Variants in TIGD1 observed in about 807,000 individuals in gnomAD.
The protein encoded by TIGD1 is tigger transposable element derived 1.
A neutral mutation model predicts 21.3 loss-of-function variants in TIGD1; 20 were observed. The observed-to-expected ratio is 0.94, with a 90% CI of 0.66 to 1.36. The LOEUF is 1.36. TIGD1 is among the 40% of genes most tolerant of loss of function. The probability of loss-of-function intolerance (pLI) is 0.00; values close to 1 mark genes in which losing one functional copy is unlikely to be tolerated. For synonymous variants in TIGD1, 177 were observed against 123.2 expected, an observed-to-expected ratio of 1.44 and a Z score of -2.89; for missense variants, 556 against 350.5, an observed-to-expected ratio of 1.59 and a Z score of -4.68.
rs57021172 is a variant in TIGD1 at position 232,546,308 on chromosome 2, C to CTTTTTTTTTTTT, written c.*1787_*1798dup. 2.1e-5 allele frequency: 2 copies of CTTTTTTTTTTTT among 94,694 alleles called. No homozygotes were observed. The highest frequency in any genetic ancestry group is 3.8e-5 in the African/African-American group (1 of 26,142). 5.9% of individuals were successfully genotyped at this position (94,694 alleles called of 1,614,324 possible). A position where few individuals can be genotyped will look rare whatever the true frequency, so the allele number is the denominator to read the frequency against. The stretch of plus-strand genomic sequence containing the variant: ...ACGATTTCCTGAGTTTTGTAATCCT[C>CTTTTTTTTTTTT]TTTTTTTTTTTTTTTTTTTTAGTTT... On this transcript the variant is annotated 3_prime_UTR_variant, in exon 1 of 1. Coordinates refer to ENST00000408957, the MANE Select transcript of TIGD1 (RefSeq NM_145702.4).
rs1692233216 is a variant in TIGD1 at position 232,549,725 on chromosome 2, G to C, written c.158C>G (p.Ala53Gly). 9.9e-7 allele frequency: 1 copy of C among 1,007,238 alleles called. No homozygotes were observed. The highest frequency in any genetic ancestry group is 1.4e-5 in the South Asian group (1 of 73,012). The allele number at this position is 1,007,238 out of a possible 1,614,324, so 62.4% of individuals were successfully genotyped here. A position where few individuals can be genotyped will look rare whatever the true frequency, so the allele number is the denominator to read the frequency against. Residue 53 changes from alanine to glycine, a missense_variant, in exon 1 of 1, where the codon GCA becomes GGA. Ala to Gly is a moderately conservative substitution (Grantham distance 60, BLOSUM62 0). Coordinates refer to ENST00000408957, the MANE Select transcript of TIGD1 (RefSeq NM_145702.4). Reference protein sequence around the residue: ...LRQTVSQVVNAKEKFLKEVKS... With the variant: ...LRQTVSQVVNGKEKFLKEVKS... ...AACTTCCTTCAAGAACTTTTCCTTTGCATTTACAACTTGGCTAACTGTTTG... is the reference window on the plus strand; with the variant it reads ...AACTTCCTTCAAGAACTTTTCCTTTCCATTTACAACTTGGCTAACTGTTTG...
Position 232,549,258 on chromosome 2 carries a change from C to G in TIGD1, c.625G>C (p.Val209Leu), listed in dbSNP as rs1273721926. The change falls in exon 1 of 1, where the codon GTG becomes CTG. Residue 209 changes from valine to leucine, a missense_variant. By Grantham distance (32) the Val-to-Leu change is conservative. Coordinates refer to ENST00000408957, the MANE Select transcript of TIGD1 (RefSeq NM_145702.4). ...RTFIAREEKS[V>L]PGFKASKDRL... ...TCCTTTGAAGCTTTGAAGCCAGGCA[C>G]TGACTTCTCCTCTCTAGCTATGAAA... 1 of 664,720 alleles carries G rather than the reference C, an allele frequency of 1.5e-6. No individual in the cohort carries two copies. The highest frequency in any genetic ancestry group is 2.1e-5 in the Admixed American group (1 of 47,262). 41.2% of individuals were successfully genotyped at this position (664,720 alleles called of 1,614,324 possible).
In TIGD1 at chr2:232,545,031, T is replaced by G. The variant is rs567321090; in HGVS notation, c.*3076A>C. ...AAAACATGAGGCCGGGTGCAGTGGGTCACACCTGTAATCCCAGTACTTTGG... is the reference window on the plus strand; with the variant it reads ...AAAACATGAGGCCGGGTGCAGTGGGGCACACCTGTAATCCCAGTACTTTGG... On this transcript the variant is annotated 3_prime_UTR_variant, in exon 1 of 1. Coordinates refer to ENST00000408957, the MANE Select transcript of TIGD1 (RefSeq NM_145702.4). 2.5e-6 allele frequency: 3 copies of G among 1,177,270 alleles called. No homozygotes were observed. The highest frequency in any genetic ancestry group is 2.6e-5 in the East Asian group (1 of 39,196). The allele number at this position is 1,177,270 out of a possible 1,614,324, so 72.9% of individuals were successfully genotyped here.
chr2:232,544,701 A>G lies in TIGD1; in HGVS notation c.*3406T>C. 6.3e-7 allele frequency: 1 copy of G among 1,590,872 alleles called. No individual in the cohort carries two copies. The highest frequency in any genetic ancestry group is 2.2e-5 in the East Asian group (1 of 44,754). ...CAGGGAGAGAGGAGCTGGGGTCCCTAAGGAGAGGCCATCTTCTCTGCCTGT... is the reference window on the plus strand; with the variant it reads ...CAGGGAGAGAGGAGCTGGGGTCCCTGAGGAGAGGCCATCTTCTCTGCCTGT... On this transcript the variant is annotated 3_prime_UTR_variant, in exon 1 of 1. Coordinates refer to ENST00000408957, the MANE Select transcript of TIGD1 (RefSeq NM_145702.4).
Position 232,548,551 on chromosome 2 carries a change from T to G in TIGD1, c.1332A>C (p.Val444=). The change falls in exon 1 of 1, where the codon GTA becomes GTC. Residue 444 remains valine, a synonymous_variant. Transcript: ENST00000408957. ...ELELEVEPED[V]TELLQSHDKT... ...TATCATGAGATTGCAGCAATTCAGTTACATCTTCAGGCTCTACTTCTAATT... is the reference window on the plus strand; with the variant it reads ...TATCATGAGATTGCAGCAATTCAGTGACATCTTCAGGCTCTACTTCTAATT... 1 of 635,764 alleles carries G rather than the reference T, an allele frequency of 1.6e-6. No homozygotes were observed. The highest frequency in any genetic ancestry group is 1.6e-5 in the South Asian group (1 of 61,404). The allele number at this position is 635,764 out of a possible 1,614,324, so 39.4% of individuals were successfully genotyped here. A position where few individuals can be genotyped will look rare whatever the true frequency, so the allele number is the denominator to read the frequency against.
Position 232,548,733 on chromosome 2 carries a change from T to A in TIGD1, c.1150A>T (p.Ile384Phe), listed in dbSNP as rs1024135328. ...TCCCATGAATCACGAATGTTTTTAA[T>A]GGCATCTAAAATGGTGAATCCTTTC... ...FWKGFTILDA[I>F]KNIRDSWEEV... The change falls in exon 1 of 1, where the codon ATT becomes TTT. Residue 384 changes from isoleucine to phenylalanine, a missense_variant. By Grantham distance (21) the Ile-to-Phe change is conservative. Coordinates refer to ENST00000408957, the MANE Select transcript of TIGD1 (RefSeq NM_145702.4). 14 of 504,532 alleles carry A rather than the reference T, an allele frequency of 2.8e-5. No homozygotes were observed. Among genetic ancestry groups the A allele is most frequent in the African/African-American group, 2.5e-4 (13 of 52,420 alleles). 31.3% of individuals were successfully genotyped at this position (504,532 alleles called of 1,614,324 possible).
rs559846120 is a variant in TIGD1, at chr2:232,549,267, C to G, written c.616G>C (p.Glu206Gln). Residue 206 changes from glutamate to glutamine, a missense_variant, in exon 1 of 1, where the codon GAG becomes CAG. By Grantham distance (29) the Glu-to-Gln change is conservative. Coordinates refer to ENST00000408957, the MANE Select transcript of TIGD1 (RefSeq NM_145702.4). ...MPSRTFIARE[E>Q]KSVPGFKASK... is the part of the protein sequence containing the mutation. ...GCTTTGAAGCCAGGCACTGACTTCT[C>G]CTCTCTAGCTATGAAAGTTCTAGAT... The G allele has an allele frequency of 1.5e-6, 1 of 665,746 alleles. No homozygotes were observed. Among genetic ancestry groups the G allele is most frequent in the Admixed American group, 2.1e-5 (1 of 47,602 alleles). 41.2% of individuals were successfully genotyped at this position (665,746 alleles called of 1,614,324 possible).
rs888816158 is a variant in TIGD1, at chr2:232,549,234, CCTTTGAAG to C, written c.641_648del (p.Ala214GlyfsTer10). 5 of 672,702 alleles carry C rather than the reference CCTTTGAAG, an allele frequency of 7.4e-6. No homozygotes were observed. The highest frequency in any genetic ancestry group is 1.3e-5 in the Non-Finnish European group (5 of 370,690). 41.7% of individuals were successfully genotyped at this position (672,702 alleles called of 1,614,324 possible). A position where few individuals can be genotyped will look rare whatever the true frequency, so the allele number is the denominator to read the frequency against. ...GCCCCTAACAAGAGAGTCAGCCTGT[CCTTTGAAG>C]CTTTGAAGCCAGGCACTGACTTCTC... On this transcript the variant is annotated frameshift_variant, in exon 1 of 1. Coordinates refer to ENST00000408957, the MANE Select transcript of TIGD1 (RefSeq NM_145702.4). LOFTEE classifies it high-confidence loss of function.
Position 232,549,424 on chromosome 2 carries a change from T to A in TIGD1, c.459A>T (p.Glu153Asp). 3.1e-6 allele frequency: 2 copies of A among 648,108 alleles called. No homozygotes were observed. Among genetic ancestry groups the A allele is most frequent in the Non-Finnish European group, 5.5e-6 (2 of 362,378 alleles). The allele number at this position is 648,108 out of a possible 1,614,324, so 40.1% of individuals were successfully genotyped here. ...CAGCTTCTACATCAGCACTTGCTGC[T>A]TCACCTTGTGCTTTTATGTTATGGA... ...SHFHNIKAQG[E>D]AASADVEAAA... Residue 153 changes from glutamate to aspartate, a missense_variant, in exon 1 of 1, where the codon GAA becomes GAT. By Grantham distance (45) the Glu-to-Asp change is conservative. Coordinates refer to ENST00000408957, the MANE Select transcript of TIGD1 (RefSeq NM_145702.4).
chr2:232,544,478 A>G lies in TIGD1; in HGVS notation c.*3629T>C, dbSNP rs757713399. The G allele has an allele frequency of 6.0e-5, 97 of 1,613,668 alleles. No homozygotes were observed. The highest frequency in any genetic ancestry group is 8.1e-5 in the Non-Finnish European group (96 of 1,180,030). On this transcript the variant is annotated 3_prime_UTR_variant, in exon 1 of 1. Transcript: ENST00000408957. ...ACAGAATGGCTCCTCGGGATGGTCG[A>G]TCACAACTGGGGAGGAGGTGGCCCT...
Position 232,548,651 on chromosome 2 carries a change from A to C in TIGD1, c.1232T>G (p.Ile411Ser). The C allele has an allele frequency of 2.0e-6, 1 of 500,330 alleles. No individual in the cohort carries two copies. Among genetic ancestry groups the C allele is most frequent in the Non-Finnish European group, 3.8e-6 (1 of 263,346 alleles). 31.0% of individuals were successfully genotyped at this position (500,330 alleles called of 1,614,324 possible). A position where few individuals can be genotyped will look rare whatever the true frequency, so the allele number is the denominator to read the frequency against. The change falls in exon 1 of 1, where the codon ATT (isoleucine) becomes AGT (serine). Residue 411 changes from isoleucine (I) to serine (S), a missense_variant. Ile to Ser is a moderately radical substitution (Grantham distance 142). Transcript: ENST00000408957. ...AGTCTTGAACCCCTCATAGTCATCAATGAGGGTGGGAATCAACTTCTTCCA... is the reference window on the plus strand; with the variant it reads ...AGTCTTGAACCCCTCATAGTCATCACTGAGGGTGGGAATCAACTTCTTCCA... ...GVWKKLIPTL[I>S]DDYEGFKTSV...
Sources: gnomAD v4.1 joint callset for allele counts on GRCh38, gnomAD v4.1.1 for gene constraint, MANE v1.5 for transcripts, NCBI Gene and HGNC (gene_info 2026-07-23, HGNC 2026-07-21) for gene names.